Variants in ARHGEF3 observed in about 807,000 individuals in gnomAD.
ARHGEF3 encodes the protein 59.8 kDA protein.
In ARHGEF3, 28 loss-of-function variants were observed where a neutral mutation model predicts 63.2. The observed-to-expected ratio is 0.44, with a 90% CI of 0.33 to 0.61. ARHGEF3 has a LOEUF of 0.61. Among genes scored for constraint, ARHGEF3 ranks in the 20% least tolerant of loss-of-function variants. The pLI is 0.03. For missense variants in ARHGEF3, 533 were observed against 659.3 expected, an observed-to-expected ratio of 0.81 and a Z score of 2.10; for synonymous variants, 266 against 254.2, an observed-to-expected ratio of 1.05 and a Z score of -0.44.
chr3:56,947,500 T>A (rs1045312599), intron 3 of ARHGEF3, among the ~76,000 whole-genome samples: 6 of 151,996 alleles, frequency 3.9e-5, no homozygotes, highest in African/African-American at 1.2e-4. Flanking sequence ...AAAACACACT[T>A]TAAACCAACA....
At chr3:57,031,294 T>C (rs1579128261) in intron 2 of ARHGEF3, among the ~76,000 whole-genome samples, 1 of 152,358 alleles carries the variant, frequency 6.6e-6, no homozygotes, top group African/African-American at 2.4e-5. Context: ...TTGTGTTTAC[T>C]GATTACCATT....
chr3:56,983,341 G>A (rs1011049791), intron 2 of ARHGEF3, among the ~76,000 whole-genome samples: 2 of 152,076 alleles, frequency 1.3e-5, no homozygotes, highest in African/African-American at 4.8e-5. Flanking sequence ...ATGGACCATG[G>A]GCTCTTGGGG....
At chr3:57,064,149 G>C (rs1032215862) in intron 1 of ARHGEF3, among the ~76,000 whole-genome samples, 16 of 152,038 alleles carry the variant, frequency 1.1e-4, no homozygotes, top group African/African-American at 3.1e-4. Flanking sequence ...CATGCCTGTA[G>C]TCCCAGCTAA....
intron 1 of ARHGEF3, among the ~76,000 whole-genome samples, chr3:56,795,880 C>T (rs1328903910): frequency 6.6e-6 from 1 of 151,756 alleles, no homozygotes. Context: ...CCTCGTGATC[C>T]GACCACCTCA....
At chr3:56,844,995 T>C (rs1164951298) in intron 4 of ARHGEF3, among the ~76,000 whole-genome samples, 2 of 152,212 alleles carry the variant, frequency 1.3e-5, no homozygotes, top group Non-Finnish European at 2.9e-5. Context: ...CTCTTTCCAT[T>C]GCTGGAATCA....
At chr3:56,836,198 A>G (rs886636695) in intron 4 of ARHGEF3, among the ~76,000 whole-genome samples, 34 of 152,186 alleles carry the variant, frequency 2.2e-4, no homozygotes, top group Non-Finnish European at 1.9e-4. Context: ...TGTATTTTCG[A>G]TCAATAGTTC....
chr3:56,912,625 G>T (rs1348503122), intron 3 of ARHGEF3, among the ~76,000 whole-genome samples: 1 of 152,186 alleles, frequency 6.6e-6, no homozygotes, highest in Non-Finnish European at 1.5e-5. Flanking sequence ...GCAAATCTGA[G>T]TAAAGTGTTT....
intron 2 of ARHGEF3, among the ~76,000 whole-genome samples, chr3:56,763,802 T>C (rs7627647): frequency 0.22 from 32,716 of 152,048 alleles, 4,601 homozygotes; most frequent in African/African-American, 0.4. Context: ...CTTGAACTCC[T>C]GGCCTCAAGC....
intron 4 of ARHGEF3, among the ~76,000 whole-genome samples, chr3:56,825,590 T>TAATG (rs2038683881): frequency 6.6e-6 from 1 of 152,346 alleles, no homozygotes; most frequent in Non-Finnish European, 1.5e-5. Flanking sequence ...TTTTATTTTG[T>TAATG]AATGCAGTTG....
chr3:56,934,075 C>T (rs1008061733), intron 3 of ARHGEF3, among the ~76,000 whole-genome samples: 4 of 152,212 alleles, frequency 2.6e-5, no homozygotes, highest in African/African-American at 9.6e-5. Flanking sequence ...AACTGTGAGT[C>T]AGTTAAACCT....
At chr3:56,737,431 T>C in intron 7 of ARHGEF3, 76 bp from the exon 8 acceptor site, 7 of 1,263,396 alleles carry the variant, frequency 5.5e-6, no homozygotes, top group Non-Finnish European at 7.7e-6. Context: ...GGGCTCAGCC[T>C]AGAAGGACAC....
intron 3 of ARHGEF3, among the ~76,000 whole-genome samples, chr3:56,948,779 T>C (rs1699650721): frequency 6.6e-6 from 1 of 152,146 alleles, no homozygotes; most frequent in East Asian, 1.9e-4. Flanking sequence ...ACTCATTTTA[T>C]GAGGCCAGCA....
intron 7 of ARHGEF3, among the ~76,000 whole-genome samples, chr3:56,741,555 GAGAGC>G (rs1559892815): frequency 7.3e-6 from 1 of 137,642 alleles, no homozygotes; most frequent in Non-Finnish European, 1.5e-5. Context: ...GCCCAGGCTG[GAGAGC>G]AGTGGCAATC....
intron 3 of ARHGEF3, among the ~76,000 whole-genome samples, chr3:56,898,156 G>A (rs1288356569): frequency 6.6e-6 from 1 of 152,022 alleles, no homozygotes; most frequent in African/African-American, 2.4e-5. Flanking sequence ...GGGATTATAG[G>A]CATGAGCCAC....
intron 4 of ARHGEF3, among the ~76,000 whole-genome samples, chr3:56,809,102 CCAA>C (rs1413511686): frequency 6.6e-6 from 1 of 152,108 alleles, no homozygotes; most frequent in African/African-American, 2.4e-5. Flanking sequence ...TGCTTGAGTG[CCAA>C]GAAACCCCAG....
At chr3:56,739,766 T>C (rs2033889125) in intron 7 of ARHGEF3, among the ~76,000 whole-genome samples, 1 of 152,218 alleles carries the variant, frequency 6.6e-6, no homozygotes, top group South Asian at 2.1e-4. Context: ...GTAAAAACTG[T>C]TACTCAGTTA....
intron 2 of ARHGEF3, among the ~76,000 whole-genome samples, chr3:57,029,900 G>T (rs372666554): frequency 6.6e-6 from 1 of 152,100 alleles, no homozygotes; most frequent in Non-Finnish European, 1.5e-5. Flanking sequence ...TCTGGAGGGT[G>T]GGGGAAGCAG....
chr3:56,732,421 G>C lies in ARHGEF3; in HGVS notation c.1045C>G (p.Leu349Val), dbSNP rs2033235649. ...ACTTCTTGGAACAGGAAAACATGCA[G>C]TTTCTAGAAGAAAAAAATCCACAAG... is the stretch of plus-strand genomic sequence containing the variant. ...GELKNNRGVKLHVFLFQEVLV... is the reference protein window; with the variant it reads ...GELKNNRGVKVHVFLFQEVLV... Residue 349 changes from leucine (L) to valine (V), a missense_variant, in exon 9 of 10, where the codon CTG (leucine) becomes GTG (valine). Coordinates refer to ENST00000296315, the MANE Select transcript of ARHGEF3 (RefSeq NM_019555.3). 6.2e-7 allele frequency: 1 copy of C among 1,614,034 alleles called. No individual in the cohort carries two copies. Among genetic ancestry groups the C allele is most frequent in the Admixed American group, 1.7e-5 (1 of 60,002 alleles).
rs368966793 is a variant in ARHGEF3, at chr3:56,965,882, T to G, written c.63-6993A>C. 1.2e-3 allele frequency among the ~76,000 whole-genome samples: 182 copies of G among 152,166 alleles called. 1 individual carries two copies. Among genetic ancestry groups the G allele is most frequent in the African/African-American group, 4.3e-3 (177 of 41,502 alleles). Reference sequence around the variant, plus strand: ...CCAGGATGGTCTCAATCTCCTGACCTCATGATCCACCTGGCTCGGCCTCCC... The same window carrying G: ...CCAGGATGGTCTCAATCTCCTGACCGCATGATCCACCTGGCTCGGCCTCCC... On this transcript the variant is annotated intron_variant, in intron 2 of 12. Transcript: ENST00000338458.
Sources: gnomAD v4.1 joint callset for allele counts (sites outside exome capture counted in the v4.1 genomes callset) on GRCh38, gnomAD v4.1.1 for gene constraint, MANE v1.5 for transcripts, NCBI Gene and HGNC (gene_info 2026-07-23, HGNC 2026-07-21) for gene names.